Variants in PIK3C3 observed in about 807,000 individuals in gnomAD.
PIK3C3 encodes PI3-kinase type 3.
Under a neutral mutation model 126.1 loss-of-function variants are expected in PIK3C3, and 95 were observed. The ratio of observed to expected loss-of-function variants is 0.75; its 90% CI spans 0.64 to 0.89. The LOEUF is 0.89. PIK3C3 is among the 40% of genes least tolerant of loss of function. The pLI, the probability that PIK3C3 is intolerant of heterozygous loss-of-function variation, is 0.00. For missense variants in PIK3C3, 829 were observed against 1,063.2 expected (o/e 0.78, Z 3.06); for synonymous variants, 374 against 360.0 (o/e 1.04, Z -0.44).
intron 24 of PIK3C3, among the ~76,000 whole-genome samples, chr18:42,072,636 A>G (rs566970245): frequency 6.6e-6 from 1 of 152,212 alleles, no homozygotes; most frequent in East Asian, 1.9e-4. Flanking sequence ...GGCTTGAGTG[A>G]TCCTCCTGCC....
At chr18:42,027,780 G>A (rs1267053943) in intron 14 of PIK3C3, among the ~76,000 whole-genome samples, 5 of 151,922 alleles carry the variant, frequency 3.3e-5, no homozygotes, top group Non-Finnish European at 5.9e-5. Context: ...TCAGCCTCCC[G>A]AATAGCTGAG....
chr18:41,960,770 G>A (rs148735089), intron 2 of PIK3C3, among the ~76,000 whole-genome samples: 1 of 150,246 alleles, frequency 6.7e-6, no homozygotes, highest in African/African-American at 2.5e-5. Context: ...TTGAGATGGC[G>A]TCTCGCTCTG....
chr18:41,961,956 A>G (rs902144942), intron 2 of PIK3C3, among the ~76,000 whole-genome samples: 1 of 152,204 alleles, frequency 6.6e-6, no homozygotes, highest in Non-Finnish European at 1.5e-5. Flanking sequence ...TTTGAGGAAC[A>G]GAAAATTCTC....
At chr18:42,039,376 TA>T (rs997423710) in intron 18 of PIK3C3, among the ~76,000 whole-genome samples, 4 of 152,342 alleles carry the variant, frequency 2.6e-5, no homozygotes, top group African/African-American at 9.6e-5. Flanking sequence ...AATGATATTT[TA>T]AAAAGTGCAA....
chr18:41,962,676 C>G (rs778778209), intron 3 of PIK3C3, 44 bp downstream of exon 3: 2 of 1,566,414 alleles, frequency 1.3e-6, no homozygotes, highest in East Asian at 4.6e-5. Flanking sequence ...TAGCAGCTTT[C>G]TGACCCTTTT....
chr18:42,020,052 T>TA (rs1335799422), intron 12 of PIK3C3, among the ~76,000 whole-genome samples: 3 of 152,118 alleles, frequency 2.0e-5, no homozygotes, highest in Admixed American at 1.3e-4. Flanking sequence ...TGATCTCAGG[T>TA]CTGTACTTCA....
At chr18:42,045,227 C>T (rs1402320708) in intron 20 of PIK3C3, among the ~76,000 whole-genome samples, 1 of 152,106 alleles carries the variant, frequency 6.6e-6, no homozygotes, top group Non-Finnish European at 1.5e-5. Context: ...AACGTGATTA[C>T]ATGCAGTATT....
At chr18:42,035,777 G>A (rs916204732) in intron 16 of PIK3C3, among the ~76,000 whole-genome samples, 5 of 152,082 alleles carry the variant, frequency 3.3e-5, no homozygotes, top group South Asian at 2.1e-4. Context: ...CACTTGCAGA[G>A]GATCTGTGGA....
intron 3 of PIK3C3, among the ~76,000 whole-genome samples, chr18:41,968,464 A>G (rs1293016647): frequency 6.6e-6 from 1 of 152,212 alleles, no homozygotes; most frequent in African/African-American, 2.4e-5. Flanking sequence ...TGATAAATAA[A>G]TATTGAGAAT....
chr18:42,073,190 C>G (rs1435358393), intron 24 of PIK3C3, among the ~76,000 whole-genome samples: 1 of 152,144 alleles, frequency 6.6e-6, no homozygotes, highest in African/African-American at 2.4e-5. Context: ...ATACTAGGAA[C>G]ATAGCACTGC....
At chr18:42,041,159 G>A (rs1716197513) in intron 19 of PIK3C3, among the ~76,000 whole-genome samples, 1 of 151,746 alleles carries the variant, frequency 6.6e-6, no homozygotes, top group African/African-American at 2.4e-5. Flanking sequence ...TCCGGCCTGG[G>A]TGACAGAGCA....
chr18:42,019,688 C>T (rs1323538714), intron 12 of PIK3C3, among the ~76,000 whole-genome samples: 9 of 152,098 alleles, frequency 5.9e-5, no homozygotes, highest in African/African-American at 2.2e-4. Context: ...TTAATAAACT[C>T]AAATTTGCAT....
At chr18:41,970,564 A>G (rs751419021) in intron 4 of PIK3C3, 108 bp downstream of exon 4, 1 of 970,010 alleles carries the variant, frequency 1.0e-6, no homozygotes, top group Non-Finnish European at 1.6e-6. Flanking sequence ...TCTAAATCTT[A>G]ACTTTTAAAT....
intron 4 of PIK3C3, among the ~76,000 whole-genome samples, chr18:41,982,719 A>T (rs925488505): frequency 6.6e-6 from 1 of 152,192 alleles, no homozygotes; most frequent in Admixed American, 6.5e-5. Flanking sequence ...AAAGATAATC[A>T]CTAGCACTTT....
intron 24 of PIK3C3, among the ~76,000 whole-genome samples, chr18:42,075,938 G>A (rs1281733622): frequency 6.7e-6 from 1 of 149,170 alleles, no homozygotes. Flanking sequence ...CTTCATCAGT[G>A]ATCTTAGCTA....
intron 24 of PIK3C3, among the ~76,000 whole-genome samples, chr18:42,070,724 C>T (rs1410893950): frequency 6.6e-6 from 1 of 152,154 alleles, no homozygotes; most frequent in African/African-American, 2.4e-5. Context: ...CTAATGTTGA[C>T]TACTGCAAGG....
At chr18:42,049,645 G>A in intron 21 of PIK3C3, 40 bp downstream of exon 21, 1 of 1,437,464 alleles carries the variant, frequency 7.0e-7, no homozygotes, top group Non-Finnish European at 9.8e-7. Flanking sequence ...CATTGTATAT[G>A]CCCATGGTTT....
In PIK3C3 at chr18:42,033,929, T is replaced by C; in HGVS notation, c.1811T>C (p.Ile604Thr). 1 of 1,607,718 alleles carries C rather than the reference T, an allele frequency of 6.2e-7. No individual in the cohort carries two copies. Among genetic ancestry groups the C allele is most frequent in the Non-Finnish European group, 8.5e-7 (1 of 1,176,716 alleles). ...GAACCCCAAGTGAAAATTAGAGGAA[T>C]AATTCCGGAAACAGCTACACTGTTT... ...PLEPQVKIRG[I>T]IPETATLFKS... The change falls in exon 16 of 25, where the codon ATA becomes ACA. Residue 604 changes from isoleucine to threonine, a missense_variant. Ile to Thr is a moderately conservative substitution (Grantham distance 89, BLOSUM62 -1). Around this residue, in one of 4 missense-constraint regions of PIK3C3, gnomAD observed 256 missense variants for 291.0 expected, o/e 0.88. Transcript: ENST00000262039.
intron 22 of PIK3C3, among the ~76,000 whole-genome samples, chr18:42,059,318 GA>G (rs954640242): frequency 1.3e-5 from 2 of 152,274 alleles, no homozygotes; most frequent in African/African-American, 4.8e-5. Flanking sequence ...AATGCCAAAA[GA>G]ATAATGAGAA....
Sources: gnomAD v4.1 joint callset for allele counts (sites outside exome capture counted in the v4.1 genomes callset) on GRCh38, gnomAD v4.1.1 for gene constraint, gnomAD v4.1.1 regional missense constraint, MANE v1.5 for transcripts, NCBI Gene and HGNC (gene_info 2026-07-23, HGNC 2026-07-21) for gene names.